FPGT: variants seen among roughly 807,000 people sequenced by gnomAD.
The protein encoded by FPGT is fucose-1-phosphate guanylyltransferase.
In FPGT, 41 loss-of-function variants were observed where a neutral mutation model predicts 45.8. The ratio of observed to expected loss-of-function variants is 0.90; its 90% CI spans 0.70 to 1.16. The LOEUF (loss-of-function observed/expected upper bound fraction) is 1.16. FPGT is among the 50% of genes most tolerant of loss of function. The pLI, the probability that FPGT is intolerant of heterozygous loss-of-function variation, is 0.00. For synonymous variants in FPGT, 292 were observed against 247.2 expected (o/e 1.18, Z -1.70); for missense variants, 755 against 689.1 (o/e 1.10, Z -1.07).
chr1:74,208,409 T>A lies in FPGT; in HGVS notation c.*2577T>A, dbSNP rs908373011. ...ATTTTTTTCTGAGTTTTATCAGCAG[T>A]AGAAAAATAAGACCTACATGGATAA... On this transcript the variant is annotated 3_prime_UTR_variant, in exon 4 of 4. Coordinates refer to ENST00000370898, the MANE Select transcript of FPGT (RefSeq NM_003838.5). 6.6e-6 allele frequency among the ~76,000 whole-genome samples: 1 copy of A among 152,032 alleles called. No homozygotes were observed. Among genetic ancestry groups the A allele is most frequent in the Non-Finnish European group, 1.5e-5 (1 of 67,948 alleles).
At chr1:74,202,655 T>A (rs920639367) in intron 3 of FPGT, among the ~76,000 whole-genome samples, 10 of 152,210 alleles carry the variant, frequency 6.6e-5, no homozygotes, top group Non-Finnish European at 1.5e-4. Context: ...ACAGGTATTA[T>A]TGATCTTCAG....
At position 74,208,175 on chromosome 1, in the gene FPGT, A is replaced by G. The variant is rs1221467430; in HGVS notation, c.*2343A>G. Among the ~76,000 whole-genome samples, 2 of 152,010 alleles carry G rather than the reference A, an allele frequency of 1.3e-5. No individual in the cohort carries two copies. Among genetic ancestry groups the G allele is most frequent in the Non-Finnish European group, 2.9e-5 (2 of 67,940 alleles). ...GGGGTGTCGAAATGTGGATAAAAAA[A>G]GATGAATTAGGAATGATTCTAACCT... On this transcript the variant is annotated 3_prime_UTR_variant, in exon 4 of 4. Coordinates refer to ENST00000370898, the MANE Select transcript of FPGT (RefSeq NM_003838.5).
intron 1 of FPGT, chr1:74,198,568 A>T (rs1302256184): frequency 1.5e-6 from 1 of 655,070 alleles, no homozygotes; most frequent in Non-Finnish European, 2.5e-6. Flanking sequence ...CTTTATTCTT[A>T]GTAGTATAGA....
Position 74,205,595 on chromosome 1 carries a change from CAA to C in FPGT, c.1549_1550del (p.Lys517AspfsTer19). 2 of 1,613,422 alleles carry C rather than the reference CAA, an allele frequency of 1.2e-6. No individual in the cohort carries two copies. The highest frequency in any genetic ancestry group is 1.7e-6 in the Non-Finnish European group (2 of 1,179,418). ...KVTEELFSGN[K>X]TCLSLWTARI... ...TTACAGAGGAACTGTTCTCTGGTAACAAGACATGTCTGAGTTTGTGGACTGCA... is the reference window on the plus strand; with the variant it reads ...TTACAGAGGAACTGTTCTCTGGTAACGACATGTCTGAGTTTGTGGACTGCA... On this transcript the variant is annotated frameshift_variant, in exon 4 of 4. Transcript: ENST00000370898. LOFTEE classifies it high-confidence loss of function.
chr1:74,208,528 A>G lies in FPGT; in HGVS notation c.*2696A>G, dbSNP rs559168421. 1.3e-5 allele frequency among the ~76,000 whole-genome samples: 2 copies of G among 152,166 alleles called. No homozygotes were observed. Among genetic ancestry groups the G allele is most frequent in the African/African-American group, 4.8e-5 (2 of 41,556 alleles). On this transcript the variant is annotated 3_prime_UTR_variant, in exon 4 of 4. Transcript: ENST00000370898. ...ATACTCAGGTGTGTAAAAGCCTGCT[A>G]TTTGTAACTATAATCCATAAACTTA...
chr1:74,198,259 G>C lies in FPGT; in HGVS notation c.-20G>C, dbSNP rs202083917. ...GGGCGCATGCGTGCTGTGCGGCGCG[G>C]TCTCAGGGAAGGTGGGGCTATGGCA... is the stretch of plus-strand genomic sequence containing the variant. On this transcript the variant is annotated 5_prime_UTR_variant, in exon 1 of 4. Coordinates refer to ENST00000370898, the MANE Select transcript of FPGT (RefSeq NM_003838.5). 6.2e-7 allele frequency: 1 copy of C among 1,612,610 alleles called. No homozygotes were observed. Among genetic ancestry groups the C allele is most frequent in the Non-Finnish European group, 8.5e-7 (1 of 1,179,284 alleles).
At position 74,205,962 on chromosome 1, in the gene FPGT, T is replaced by C. The variant is rs768571602; in HGVS notation, c.*130T>C. The C allele has an allele frequency of 5.2e-6, 3 of 575,890 alleles. No individual in the cohort carries two copies. Among genetic ancestry groups the C allele is most frequent in the African/African-American group, 1.9e-5 (1 of 53,590 alleles). 35.7% of individuals were successfully genotyped at this position (575,890 alleles called of 1,614,324 possible). On this transcript the variant is annotated 3_prime_UTR_variant, in exon 4 of 4. Coordinates refer to ENST00000370898, the MANE Select transcript of FPGT (RefSeq NM_003838.5). ...CATAATTGTTGTAGCATAATATTAA[T>C]AGTGCAAAAGTACATATAAGTCATT...
Position 74,205,373 on chromosome 1 carries a change from A to T in FPGT, c.1326A>T (p.Leu442=), listed in dbSNP as rs757904547. ...ENCIISGSYI[L]TKAALPAHSF... ...GCATTATTAGTGGTTCTTACATCCT[A>T]ACAAAAGCTGCCCTCCCCGCACATT... The change falls in exon 4 of 4, where the codon CTA becomes CTT. Residue 442 remains leucine, a synonymous_variant. Transcript: ENST00000370898. The T allele has an allele frequency of 1.2e-6, 2 of 1,614,084 alleles. No individual in the cohort carries two copies. The highest frequency in any genetic ancestry group is 3.3e-5 in the Admixed American group (2 of 60,010).
rs1651584309 is a variant in FPGT at position 74,199,669 on chromosome 1, C to T, written c.88C>T (p.Leu30Phe). The change falls in exon 2 of 4, where the codon CTT becomes TTT. Residue 30 changes from leucine to phenylalanine, a missense_variant. Physicochemically the swap from Leu to Phe is conservative, Grantham distance 22. Transcript: ENST00000370898. ...LRRFSELRGK[L>F]VARGEFWDIV... ...TCCTTGCTTTTTCCAAATAGGCAAA[C>T]TTGTAGCACGTGGAGAATTCTGGGA... The T allele has an allele frequency of 3.1e-6, 5 of 1,610,872 alleles. No individual in the cohort carries two copies. Among genetic ancestry groups the T allele is most frequent in the Non-Finnish European group, 4.2e-6 (5 of 1,179,044 alleles).
rs138015421 is a variant in FPGT at position 74,199,832 on chromosome 1, G to A, written c.250+1G>A. The A allele has an allele frequency of 1.5e-5, 24 of 1,612,940 alleles. 2 individuals are homozygous for A. In the South Asian group the frequency reaches 2.4e-4, roughly 16 times the overall value. Reference sequence around the variant, plus strand: ...GTGGATCCTGCTGGAGCCAAAATTGGTACGCGCTTTATGGTCAGTTTTATA... The same window carrying A: ...GTGGATCCTGCTGGAGCCAAAATTGATACGCGCTTTATGGTCAGTTTTATA... On this transcript the variant is annotated splice_donor_variant, in intron 2 of 3. Coordinates refer to ENST00000370898, the MANE Select transcript of FPGT (RefSeq NM_003838.5). LOFTEE classifies it high-confidence loss of function.
intron 2 of FPGT, chr1:74,200,943 G>A (rs2100768585): frequency 6.3e-6 from 1 of 158,798 alleles, no homozygotes; most frequent in Middle Eastern, 2.4e-3. Context: ...GTTTTTGATT[G>A]TGTCATTTGG....
At position 74,198,356 on chromosome 1, in the gene FPGT, A is replaced by T. The variant is rs750352320; in HGVS notation, c.78A>T (p.Leu26=). 1 of 1,614,158 alleles carries T rather than the reference A, an allele frequency of 6.2e-7. No homozygotes were observed. Among genetic ancestry groups the T allele is most frequent in the Non-Finnish European group, 8.5e-7 (1 of 1,180,020 alleles). ...GAAAATTGCGGAGGTTTTCCGAGCT[A>T]AGAGGTACCAGAGAAGGCACCGGAG... The part of the protein sequence containing the change: ...TQRKLRRFSE[L]RGKLVARGEF... The change falls in exon 1 of 4, where the codon CTA becomes CTT. Residue 26 remains leucine, a synonymous_variant. Transcript: ENST00000370898.
chr1:74,203,829 G>A (rs12134868), intron 3 of FPGT, among the ~76,000 whole-genome samples: 62,529 of 151,524 alleles, frequency 0.41, 14,294 homozygotes, highest in East Asian at 0.73. Context: ...ATCACCTGAG[G>A]TCAGGAGTTT....
rs773193107 is a variant in FPGT at position 74,204,900 on chromosome 1, C to G, written c.853C>G (p.Leu285Val). 1 of 1,613,544 alleles carries G rather than the reference C, an allele frequency of 6.2e-7. No individual in the cohort carries two copies. Among genetic ancestry groups the G allele is most frequent in the South Asian group, 1.1e-5 (1 of 91,058 alleles). ...GGATCATAAATCAGCAAAAATGTTACTTGCTTTTTATGAAAAAATAGGCAC... is the reference window on the plus strand; with the variant it reads ...GGATCATAAATCAGCAAAAATGTTAGTTGCTTTTTATGAAAAAATAGGCAC... ...YMDHKSAKML[L>V]AFYEKIGTLS... Residue 285 changes from leucine (L) to valine (V), a missense_variant, in exon 4 of 4, where the codon CTT becomes GTT. Transcript: ENST00000370898.
At chr1:74,204,367 G>A in intron 3 of FPGT, 24 bp from the exon 4 acceptor site, 1 of 1,501,558 alleles carries the variant, frequency 6.7e-7, no homozygotes, top group South Asian at 1.4e-5. Flanking sequence ...ATTTTTAAAT[G>A]GTTATTTCGT....
rs755731800 is a variant in FPGT, at chr1:74,198,360, G to A, written c.82G>A (p.Gly28Ser). Residue 28 changes from glycine (G) to serine (S), a missense_variant and splice_region_variant, in exon 1 of 4, where the codon GGC becomes AGC. Physicochemically the swap from Gly to Ser is moderately conservative, Grantham distance 56 (BLOSUM62 0). Transcript: ENST00000370898. ...RKLRRFSELR[G>S]KLVARGEFWD... is the part of the protein sequence containing the mutation. ...ATTGCGGAGGTTTTCCGAGCTAAGA[G>A]GTACCAGAGAAGGCACCGGAGTTCT... The A allele has an allele frequency of 1.2e-6, 2 of 1,614,058 alleles. No homozygotes were observed. Among genetic ancestry groups the A allele is most frequent in the East Asian group, 4.5e-5 (2 of 44,896 alleles).
chr1:74,205,410 T>C lies in FPGT; in HGVS notation c.1363T>C (p.Ser455Pro). ...AALPAHSFVC[S>P]LSLKMNRCLK... Reference sequence around the variant, plus strand: ...CCTCCCCGCACATTCTTTTGTATGTTCCTTAAGCTTAAAGATGAATAGATG... The same window carrying C: ...CCTCCCCGCACATTCTTTTGTATGTCCCTTAAGCTTAAAGATGAATAGATG... Residue 455 changes from serine (S) to proline (P), a missense_variant, in exon 4 of 4, where the codon TCC becomes CCC. Physicochemically the swap from Ser to Pro is moderately conservative, Grantham distance 74 (BLOSUM62 -1). Coordinates refer to ENST00000370898, the MANE Select transcript of FPGT (RefSeq NM_003838.5). 6.2e-7 allele frequency: 1 copy of C among 1,613,982 alleles called. No individual in the cohort carries two copies. Among genetic ancestry groups the C allele is most frequent in the Non-Finnish European group, 8.5e-7 (1 of 1,179,828 alleles).
chr1:74,201,348 A>C lies in FPGT; in HGVS notation c.281A>C (p.Gln94Pro). ...GGAGGATCAACACTTTGTGCCCTTC[A>C]ATGTTTGGAAAAGCTATATGGAGAT... ...GNGGSTLCAL[Q>P]CLEKLYGDKW... The change falls in exon 3 of 4, where the codon CAA becomes CCA. Residue 94 changes from glutamine to proline, a missense_variant. Physicochemically the swap from Gln to Pro is moderately conservative, Grantham distance 76. Transcript: ENST00000370898. 6.2e-7 allele frequency: 1 copy of C among 1,612,258 alleles called. No individual in the cohort carries two copies. Among genetic ancestry groups the C allele is most frequent in the Non-Finnish European group, 8.5e-7 (1 of 1,179,374 alleles).
At position 74,207,713 on chromosome 1, in the gene FPGT, G is replaced by C. The variant is rs958243941; in HGVS notation, c.*1881G>C. ...TTGTTTGGTAAACCAGAAGTGACCT[G>C]TCTGAAGCCCTCAATTGTGGTATTT... On this transcript the variant is annotated 3_prime_UTR_variant, in exon 4 of 4. Transcript: ENST00000370898. Among the ~76,000 whole-genome samples, 2 of 151,972 alleles carry C rather than the reference G, an allele frequency of 1.3e-5. No homozygotes were observed. The highest frequency in any genetic ancestry group is 2.9e-5 in the Non-Finnish European group (2 of 67,932).
Sources: gnomAD v4.1 joint callset for allele counts (sites outside exome capture counted in the v4.1 genomes callset) on GRCh38, gnomAD v4.1.1 for gene constraint, MANE v1.5 for transcripts, NCBI Gene and HGNC (gene_info 2026-07-23, HGNC 2026-07-21) for gene names.